The following CADM2 variants were observed in gnomAD, a reference collection of about 807,000 sequenced individuals.
The protein encoded by CADM2 is cell adhesion molecule 2.
A neutral mutation model predicts 49.8 loss-of-function variants in CADM2; 12 were observed. That is an observed-to-expected ratio of 0.24 (90% confidence interval 0.15 to 0.39). The LOEUF is 0.39. CADM2 is among the 10% of genes least tolerant of loss of function. The pLI is 1.00. For missense variants in CADM2, 378 were observed against 492.3 expected (o/e 0.77, Z 2.20); for synonymous variants, 214 against 175.4 (o/e 1.22, Z -1.74).
intron 3 of CADM2, among the ~76,000 whole-genome samples, chr3:85,872,219 C>G (rs528405679): frequency 6.5e-4 from 99 of 152,270 alleles, no homozygotes; most frequent in African/African-American, 2.4e-3. Context: ...TGAAGCAGTA[C>G]ATATCACACT....
chr3:85,298,352 C>T (rs1249655436), intron 1 of CADM2, among the ~76,000 whole-genome samples: 1 of 152,124 alleles, frequency 6.6e-6, no homozygotes, highest in South Asian at 2.1e-4. Flanking sequence ...TCCCAGCCCA[C>T]AGAGAACCCT....
intron 1 of CADM2, among the ~76,000 whole-genome samples, chr3:85,487,287 G>A (rs2039457009): frequency 1.3e-5 from 2 of 152,182 alleles, no homozygotes; most frequent in Admixed American, 6.6e-5. Flanking sequence ...GCCAAGGTGG[G>A]AGGGTGGCTT....
intron 1 of CADM2, among the ~76,000 whole-genome samples, chr3:85,540,524 C>G (rs1041040336): frequency 1.3e-5 from 2 of 152,130 alleles, no homozygotes; most frequent in Non-Finnish European, 2.9e-5. Context: ...ACTTTCATGC[C>G]AGTGGATATG....
At chr3:85,133,691 C>A (rs894407658) in intron 1 of CADM2, among the ~76,000 whole-genome samples, 2 of 152,212 alleles carry the variant, frequency 1.3e-5, no homozygotes, top group African/African-American at 2.4e-5. Context: ...GGTGTGTTTA[C>A]AAACCTTGAG....
intron 7 of CADM2, among the ~76,000 whole-genome samples, chr3:85,945,350 C>T (rs908863844): frequency 1.3e-5 from 2 of 152,154 alleles, no homozygotes; most frequent in East Asian, 3.9e-4. Context: ...ACCAGAGGTA[C>T]AAGGAGGAGC....
At chr3:85,251,929 C>T (rs766746104) in intron 1 of CADM2, among the ~76,000 whole-genome samples, 35 of 151,944 alleles carry the variant, frequency 2.3e-4, no homozygotes, top group Admixed American at 1.7e-3. Flanking sequence ...ACATGAATGG[C>T]ATTTTCATCT....
intron 1 of CADM2, among the ~76,000 whole-genome samples, chr3:85,377,583 A>G (rs1370983771): frequency 6.6e-6 from 1 of 152,098 alleles, no homozygotes; most frequent in Non-Finnish European, 1.5e-5. Context: ...AAAGTTGCCC[A>G]ATGGAAACAT....
chr3:86,014,832 C>G, intron 8 of CADM2: 2 of 1,508,220 alleles, frequency 1.3e-6, no homozygotes, highest in Non-Finnish European at 8.9e-7. Flanking sequence ...CTATGAAGCC[C>G]TCCACCTGCC....
chr3:85,479,531 A>G (rs918684392), intron 1 of CADM2, among the ~76,000 whole-genome samples: 1 of 151,948 alleles, frequency 6.6e-6, no homozygotes, highest in African/African-American at 2.4e-5. Context: ...ATAGCAAGAG[A>G]GTACTGGAGC....
At chr3:85,705,249 TAAGC>T (rs1313700083) in intron 1 of CADM2, among the ~76,000 whole-genome samples, 1 of 149,760 alleles carries the variant, frequency 6.7e-6, no homozygotes, top group Non-Finnish European at 1.5e-5. Context: ...AAAAAAGAAA[TAAGC>T]AAGGACGTTT....
rs1434720758 is a variant in CADM2 at position 86,072,434 on chromosome 3, T to G, written c.*5651T>G. On this transcript the variant is annotated 3_prime_UTR_variant, in exon 10 of 10. Coordinates refer to ENST00000383699, the MANE Select transcript of CADM2 (RefSeq NM_001167675.2). Reference sequence around the variant, plus strand: ...AAAAAAACAAAAAAAAAACACTATTTTCCCCTACGAAATATACTGTATATT... The same window carrying G: ...AAAAAAACAAAAAAAAAACACTATTGTCCCCTACGAAATATACTGTATATT... 2.0e-5 allele frequency: 3 copies of G among 151,828 alleles called. No individual in the cohort carries two copies. Among genetic ancestry groups the G allele is most frequent in the African/African-American group, 7.3e-5 (3 of 41,366 alleles). The allele number at this position is 151,828 out of a possible 1,614,324, so 9.4% of individuals were successfully genotyped here.
chr3:85,537,150 C>G (rs1049572453), intron 1 of CADM2, among the ~76,000 whole-genome samples: 1 of 152,150 alleles, frequency 6.6e-6, no homozygotes. Flanking sequence ...AAACAGTATA[C>G]TTAGTTCTCA....
chr3:85,788,488 T>C (rs1340415855), intron 2 of CADM2, among the ~76,000 whole-genome samples: 1 of 151,848 alleles, frequency 6.6e-6, no homozygotes, highest in Non-Finnish European at 1.5e-5. Flanking sequence ...TTTAATTTTT[T>C]ACAGAGAAGA....
intron 6 of CADM2, among the ~76,000 whole-genome samples, chr3:85,917,825 G>T (rs1718567776): frequency 6.6e-6 from 1 of 152,086 alleles, no homozygotes; most frequent in East Asian, 1.9e-4. Context: ...CCATTTGTTT[G>T]TGTCCTCTTT....
At chr3:85,062,865 A>G (rs1239932584) in intron 1 of CADM2, among the ~76,000 whole-genome samples, 1 of 151,928 alleles carries the variant, frequency 6.6e-6, no homozygotes, top group East Asian at 1.9e-4. Context: ...TATCAGAAAT[A>G]CACAAATATT....
chr3:85,277,693 C>T (rs1481772428), intron 1 of CADM2, among the ~76,000 whole-genome samples: 1 of 151,454 alleles, frequency 6.6e-6, no homozygotes, highest in East Asian at 1.9e-4. Context: ...TTGTATTACA[C>T]TTTCTGGTGA....
intron 1 of CADM2, among the ~76,000 whole-genome samples, chr3:85,295,909 C>T (rs2043950521): frequency 6.7e-6 from 1 of 150,342 alleles, no homozygotes; most frequent in South Asian, 2.1e-4. Flanking sequence ...CACAAGTACC[C>T]TAAAACTTAA....
chr3:85,841,676 A>C (rs1379035263), intron 3 of CADM2, among the ~76,000 whole-genome samples: 3 of 151,982 alleles, frequency 2.0e-5, no homozygotes, highest in Non-Finnish European at 4.4e-5. Context: ...TAGCACACAT[A>C]ATTAAGGTTC....
intron 1 of CADM2, among the ~76,000 whole-genome samples, chr3:85,110,295 G>A (rs1364755374): frequency 2.6e-5 from 4 of 151,606 alleles, no homozygotes; most frequent in African/African-American, 9.7e-5. Context: ...ACTGTGGGGG[G>A]CAGATTTTAT....
Sources: allele counts gnomAD v4.1 joint callset (sites outside exome capture counted in the v4.1 genomes callset), GRCh38; gene constraint gnomAD v4.1.1; transcripts MANE v1.5; gene names NCBI Gene and HGNC (gene_info 2026-07-23, HGNC 2026-07-21).